The following MYO3B variants were observed in gnomAD, a reference collection of about 807,000 sequenced individuals.
The protein encoded by MYO3B is myosin-IIIb.
A neutral mutation model predicts 174.6 loss-of-function variants in MYO3B; 156 were observed. That is an observed-to-expected ratio of 0.89 (90% CI 0.78 to 1.02). The LOEUF (loss-of-function observed/expected upper bound fraction) is 1.02. Among genes scored for constraint, MYO3B ranks in the 50% least tolerant of loss-of-function variants. The pLI, the probability that MYO3B is intolerant of heterozygous loss-of-function variation, is 0.00. For synonymous variants in MYO3B, 563 were observed against 569.1 expected (o/e 0.99, Z 0.15); for missense variants, 1,632 against 1,639.4 (o/e 1.00, Z 0.08).
intron 30 of MYO3B, among the ~76,000 whole-genome samples, chr2:170,535,778 G>A (rs189364030): frequency 3.9e-5 from 6 of 152,230 alleles, no homozygotes; most frequent in Admixed American, 6.5e-5. Flanking sequence ...TTCCATCACC[G>A]TCACCCAGGC....
chr2:170,197,202 C>T (rs970960885), intron 1 of MYO3B, among the ~76,000 whole-genome samples: 3 of 152,114 alleles, frequency 2.0e-5, no homozygotes, highest in African/African-American at 2.4e-5. Flanking sequence ...TTTCTTCAAA[C>T]TGCCTTTGAA....
chr2:170,191,818 T>G (rs1489864819), intron 1 of MYO3B, among the ~76,000 whole-genome samples: 9 of 152,310 alleles, frequency 5.9e-5, no homozygotes, highest in Admixed American at 2.0e-4. Flanking sequence ...GATTTTAGGT[T>G]CTTATGAAGG....
In MYO3B at chr2:170,543,973, G is replaced by T; in HGVS notation, c.3718G>T (p.Ala1240Ser). The change falls in exon 32 of 35, where the codon GCC becomes TCC. Residue 1240 changes from alanine (A) to serine (S), a missense_variant. Ala to Ser is a moderately conservative substitution (Grantham distance 99, BLOSUM62 1). Coordinates refer to ENST00000408978, the MANE Select transcript of MYO3B (RefSeq NM_138995.5). ...PDQQGLSLWG[A>S]PQKPGSENGL... ...TCAGCAAGGATTGAGTCTCTGGGGA[G>T]CCCCTCAAAAGCCTGGTAAGAAGAA... 3.1e-6 allele frequency: 5 copies of T among 1,612,566 alleles called. No homozygotes were observed. Among genetic ancestry groups the T allele is most frequent in the Non-Finnish European group, 4.2e-6 (5 of 1,178,858 alleles).
rs1170835032 is a variant in MYO3B, at chr2:170,217,329, T to C, written c.537T>C (p.Ala179=). 1 of 1,614,046 alleles carries C rather than the reference T, an allele frequency of 6.2e-7. No homozygotes were observed. The highest frequency in any genetic ancestry group is 8.5e-7 in the Non-Finnish European group (1 of 1,179,882). Residue 179 remains alanine (A), a synonymous_variant, in exon 6 of 35, where the codon GCT becomes GCC. Coordinates refer to ENST00000408978, the MANE Select transcript of MYO3B (RefSeq NM_138995.5). ...GVKLVDFGVS[A]QLTSTRLRRN... is the part of the protein sequence containing the mutation. ...ACTCTTTCCTTATAGGTGTTTCAGCTCAACTCACCAGTACACGTCTGCGGA... is the reference window on the plus strand; with the variant it reads ...ACTCTTTCCTTATAGGTGTTTCAGCCCAACTCACCAGTACACGTCTGCGGA...
At chr2:170,186,554 A>G (rs1834187) in intron 1 of MYO3B, among the ~76,000 whole-genome samples, 64,550 of 152,006 alleles carry the variant, frequency 0.42, 15,051 homozygotes, top group East Asian at 0.56. Context: ...TTACTTCTAC[A>G]TTCATCAGGA....
chr2:170,419,851 G>A (rs985772166), intron 22 of MYO3B, among the ~76,000 whole-genome samples: 7 of 152,104 alleles, frequency 4.6e-5, no homozygotes, highest in African/African-American at 9.7e-5. Context: ...GGAAAGTGGG[G>A]AAAAAGCTGC....
At chr2:170,525,500 AG>A (rs1273476600) in intron 30 of MYO3B, among the ~76,000 whole-genome samples, 1 of 152,224 alleles carries the variant, frequency 6.6e-6, no homozygotes, top group Non-Finnish European at 1.5e-5. Context: ...TTTGTGTAAA[AG>A]GAACTCATAT....
At chr2:170,342,350 T>G (rs910319906) in intron 8 of MYO3B, 18 of 152,188 alleles carry the variant, frequency 1.2e-4, no homozygotes, top group African/African-American at 4.3e-4. Flanking sequence ...GACTCTGTAA[T>G]TGAAATAATA....
intron 9 of MYO3B, among the ~76,000 whole-genome samples, chr2:170,371,212 T>G (rs1325065880): frequency 1.1e-5 from 1 of 90,196 alleles, no homozygotes; most frequent in Non-Finnish European, 2.1e-5. Flanking sequence ...AGCAAGACAG[T>G]GTCTAAAAAA....
chr2:170,617,296 G>A (rs537675770), intron 32 of MYO3B, among the ~76,000 whole-genome samples: 1 of 152,270 alleles, frequency 6.6e-6, no homozygotes, highest in African/African-American at 2.4e-5. Context: ...GCCTATGTAA[G>A]GCTACAGGGA....
intron 7 of MYO3B, among the ~76,000 whole-genome samples, chr2:170,282,521 T>G (rs933073304): frequency 1.6e-4 from 24 of 152,218 alleles, no homozygotes; most frequent in African/African-American, 5.5e-4. Context: ...TGTAGTATAT[T>G]TTAAAGTCAG....
chr2:170,473,058 T>C (rs1685074447), intron 25 of MYO3B, among the ~76,000 whole-genome samples: 2 of 152,024 alleles, frequency 1.3e-5, no homozygotes, highest in African/African-American at 2.4e-5. Context: ...ATTCAGTGTT[T>C]AATTAATATT....
At chr2:170,464,963 T>C (rs768833079) in intron 24 of MYO3B, among the ~76,000 whole-genome samples, 4 of 151,766 alleles carry the variant, frequency 2.6e-5, no homozygotes, top group Non-Finnish European at 5.9e-5. Flanking sequence ...GCCTCCTGGG[T>C]TCAAGCGATT....
intron 22 of MYO3B, among the ~76,000 whole-genome samples, chr2:170,432,150 ATTT>A (rs530740935): frequency 6.6e-6 from 1 of 151,352 alleles, no homozygotes; most frequent in Admixed American, 6.6e-5. Context: ...ACTCCTACTT[ATTT>A]TTTTTTAAGT....
intron 7 of MYO3B, among the ~76,000 whole-genome samples, chr2:170,317,928 A>G (rs1165568779): frequency 5.3e-5 from 8 of 152,176 alleles, no homozygotes; most frequent in Admixed American, 4.6e-4. Flanking sequence ...CTACTGATTC[A>G]TGGGACGCAT....
At chr2:170,442,136 A>G (rs1255840185) in intron 22 of MYO3B, among the ~76,000 whole-genome samples, 2 of 151,982 alleles carry the variant, frequency 1.3e-5, no homozygotes, top group Non-Finnish European at 2.9e-5. Flanking sequence ...CTCTTTGGTA[A>G]ATATCTGGAA....
intron 8 of MYO3B, among the ~76,000 whole-genome samples, chr2:170,360,705 G>A (rs1490526812): frequency 6.6e-6 from 1 of 152,236 alleles, no homozygotes; most frequent in Non-Finnish European, 1.5e-5. Context: ...GGTCATGAGA[G>A]CCTCTCCGTG....
intron 7 of MYO3B, among the ~76,000 whole-genome samples, chr2:170,291,412 T>C (rs1487160652): frequency 6.6e-6 from 1 of 152,226 alleles, no homozygotes; most frequent in Non-Finnish European, 1.5e-5. Context: ...TTGTTTTTGA[T>C]AGATTTGTCT....
chr2:170,477,496 C>T (rs1427651370), intron 25 of MYO3B, among the ~76,000 whole-genome samples: 1 of 151,894 alleles, frequency 6.6e-6, no homozygotes, highest in Non-Finnish European at 1.5e-5. Context: ...TGGTATCTGG[C>T]TCATGGTGTG....
Sources: gnomAD v4.1 joint callset for allele counts (sites outside exome capture counted in the v4.1 genomes callset) on GRCh38, gnomAD v4.1.1 for gene constraint, MANE v1.5 for transcripts, NCBI Gene and HGNC (gene_info 2026-07-23, HGNC 2026-07-21) for gene names.